LANCL1: variants seen among roughly 807,000 people sequenced by gnomAD.
The protein encoded by LANCL1 is LanC like glutathione S-transferase 1.
Under a neutral mutation model 50.6 loss-of-function variants are expected in LANCL1, and 50 were observed. The observed-to-expected ratio is 0.99, with a 90% CI of 0.79 to 1.25. The LOEUF (loss-of-function observed/expected upper bound fraction) is 1.25. Among genes scored for constraint, LANCL1 ranks in the 50% most tolerant of loss-of-function variants. LANCL1 has a pLI of 0.00. For synonymous variants in LANCL1, 188 were observed against 178.6 expected, an observed-to-expected ratio of 1.05 and a Z score of -0.42; for missense variants, 532 against 480.7, an observed-to-expected ratio of 1.11 and a Z score of -1.00.
chr2:210,453,172 TATAA>T (rs1176157256), intron 4 of LANCL1, among the ~76,000 whole-genome samples: 2 of 152,246 alleles, frequency 1.3e-5, no homozygotes, highest in African/African-American at 2.4e-5. Flanking sequence ...GCCTACTGGC[TATAA>T]ATACTGTCGA....
At chr2:210,474,739 A>AAAAT (rs78940796) in intron 2 of LANCL1, among the ~76,000 whole-genome samples, 3,216 of 148,072 alleles carry the variant, frequency 0.022, 81 homozygotes, top group African/African-American at 0.064. Context: ...AATAAAAATA[A>AAAAT]AAATAAATAA....
At chr2:210,437,423 C>CACACCT (rs1692971517) in intron 7 of LANCL1, among the ~76,000 whole-genome samples, 1 of 152,008 alleles carries the variant, frequency 6.6e-6, no homozygotes, top group Non-Finnish European at 1.5e-5. Flanking sequence ...CTTTCGAGTA[C>CACACCT]ACACCTAGGA....
rs1470987062 is a variant in LANCL1 at position 210,455,110 on chromosome 2, G to A, written c.404C>T (p.Thr135Ile). The part of the protein sequence containing the change: ...NNEKQAEDCI[T>I]RLIHLNKIDP... ...CCTCATATAGAAACATGATTACCGT[G>A]TGATGCAATCTTCTGCCTGCTTCTC... The change falls in exon 4 of 10, where the codon ACA becomes ATA. Residue 135 changes from threonine (T) to isoleucine (I), a missense_variant. Coordinates refer to ENST00000450366, the MANE Select transcript of LANCL1 (RefSeq NM_006055.3). 1.4e-5 allele frequency: 22 copies of A among 1,611,510 alleles called. No individual in the cohort carries two copies. The East Asian group carries it at 2.9e-4, about 21-fold the overall frequency.
chr2:210,453,999 G>T (rs1199969821), intron 4 of LANCL1, among the ~76,000 whole-genome samples: 3 of 152,018 alleles, frequency 2.0e-5, no homozygotes, highest in Admixed American at 6.6e-5. Flanking sequence ...GTAATGTCTA[G>T]CCCCTAAGAA....
At chr2:210,476,468 G>A in intron 1 of LANCL1, 56 bp from the exon 2 acceptor site, 1 of 1,387,234 alleles carries the variant, frequency 7.2e-7, no homozygotes, top group South Asian at 1.3e-5. Context: ...CGGCCGAGTT[G>A]CGAGGGCGGC....
At chr2:210,443,098 G>A (rs1329908609) in intron 4 of LANCL1, among the ~76,000 whole-genome samples, 1 of 152,248 alleles carries the variant, frequency 6.6e-6, no homozygotes, top group African/African-American at 2.4e-5. Flanking sequence ...CATAGACATG[G>A]CACAGCAGGG....
At chr2:210,434,631 C>A in intron 9 of LANCL1, 68 bp from the exon 10 acceptor site, 1 of 1,265,274 alleles carries the variant, frequency 7.9e-7, no homozygotes, top group South Asian at 1.3e-5. Flanking sequence ...GGTTCTTTTT[C>A]CCCCATATCT....
intron 6 of LANCL1, 122 bp from the exon 7 acceptor site, chr2:210,437,994 G>T: frequency 4.9e-6 from 3 of 618,056 alleles, no homozygotes; most frequent in South Asian, 4.4e-5. Context: ...AGAGGTTTTG[G>T]ATTTCATCCA....
rs1025298388 is a variant in LANCL1, at chr2:210,432,904, G to A, written c.*1583C>T. ...GGAGGAAGCTGATCCTGGAAACTGA[G>A]CAGTGGGCTGCTTTTTAAATCCTAC... On this transcript the variant is annotated 3_prime_UTR_variant, in exon 10 of 10. Transcript: ENST00000450366. 3 of 152,428 alleles carry A rather than the reference G, an allele frequency of 2.0e-5. No homozygotes were observed. The highest frequency in any genetic ancestry group is 4.4e-5 in the Non-Finnish European group (3 of 68,044). 9.4% of individuals were successfully genotyped at this position (152,428 alleles called of 1,614,324 possible).
intron 2 of LANCL1, 89 bp downstream of exon 2, chr2:210,476,227 G>A (rs1694364329): frequency 3.9e-6 from 3 of 769,724 alleles, no homozygotes; most frequent in Admixed American, 4.7e-5. Flanking sequence ...TTTTAAAGGG[G>A]GATGCTCAAC....
chr2:210,440,875 G>T, intron 5 of LANCL1, 131 bp from the exon 6 acceptor site: 1 of 772,832 alleles, frequency 1.3e-6, no homozygotes, highest in Non-Finnish European at 2.0e-6. Context: ...CCAGGGAAAG[G>T]CACAGTTTAA....
chr2:210,473,774 C>T (rs1237890794), intron 2 of LANCL1, among the ~76,000 whole-genome samples: 1 of 152,214 alleles, frequency 6.6e-6, no homozygotes, highest in African/African-American at 2.4e-5. Flanking sequence ...TCCCTTATTT[C>T]ACTCTTTAGA....
chr2:210,440,701 TTCC>T lies in LANCL1; in HGVS notation c.584_586del (p.Arg195del). 6.2e-7 allele frequency: 1 copy of T among 1,614,026 alleles called. No individual in the cohort carries two copies. The highest frequency in any genetic ancestry group is 8.5e-7 in the Non-Finnish European group (1 of 1,179,938). ...TGGAGACTTTGCCGTGAAGTTTCTC[TTCC>T]TAGCTAGGTTTTCTCCAGAGGTTAA... On this transcript the variant is annotated inframe_deletion, in exon 6 of 10. Coordinates refer to ENST00000450366, the MANE Select transcript of LANCL1 (RefSeq NM_006055.3).
chr2:210,439,891 A>G (rs771540224), intron 6 of LANCL1, among the ~76,000 whole-genome samples: 79 of 152,172 alleles, frequency 5.2e-4, no homozygotes, highest in Non-Finnish European at 1.5e-4. Context: ...GCCATTAAAA[A>G]TCAATTTTCT....
At chr2:210,468,535 C>T (rs551299834) in intron 3 of LANCL1, 1 of 152,402 alleles carries the variant, frequency 6.6e-6, no homozygotes, top group South Asian at 2.1e-4. Flanking sequence ...ATTTACTACC[C>T]TTCCTTGCTA....
chr2:210,435,562 A>T (rs764497487), intron 8 of LANCL1, 103 bp from the exon 9 acceptor site: 25 of 824,206 alleles, frequency 3.0e-5, no homozygotes, highest in Non-Finnish European at 4.2e-5. Flanking sequence ...ATCAAACACT[A>T]CCTTCACATC....
At chr2:210,439,600 T>C (rs1030903656) in intron 6 of LANCL1, among the ~76,000 whole-genome samples, 1 of 152,216 alleles carries the variant, frequency 6.6e-6, no homozygotes, top group African/African-American at 2.4e-5. Flanking sequence ...ATATAACCTC[T>C]AATTGAAAAG....
At position 210,432,297 on chromosome 2, in the gene LANCL1, A is replaced by T. The variant is rs1692770500; in HGVS notation, c.*2190T>A. ...CAGTTTAGTAAGTTTTGAAAAGCTT[A>T]AAAAAAAACCAAACTCTAATTGTGT... is the stretch of plus-strand genomic sequence containing the variant. On this transcript the variant is annotated 3_prime_UTR_variant, in exon 10 of 10. Transcript: ENST00000450366. 1 of 148,584 alleles carries T rather than the reference A, an allele frequency of 6.7e-6. No individual in the cohort carries two copies. The highest frequency in any genetic ancestry group is 2.5e-5 in the African/African-American group (1 of 40,634). The allele number at this position is 148,584 out of a possible 1,614,324, so 9.2% of individuals were successfully genotyped here. A position where few individuals can be genotyped will look rare whatever the true frequency, so the allele number is the denominator to read the frequency against.
intron 1 of LANCL1, 98 bp downstream of exon 1, chr2:210,476,522 G>A (rs1045777740): frequency 8.8e-5 from 124 of 1,411,092 alleles, no homozygotes; most frequent in African/African-American, 4.7e-4. Context: ...CAGGGCCATC[G>A]AGCCGTCTCG....
Sources: gnomAD v4.1 joint callset for allele counts (sites outside exome capture counted in the v4.1 genomes callset) on GRCh38, gnomAD v4.1.1 for gene constraint, MANE v1.5 for transcripts, NCBI Gene and HGNC (gene_info 2026-07-23, HGNC 2026-07-21) for gene names.